The following FST variants were observed in gnomAD, a reference collection of about 807,000 sequenced individuals.
FST encodes follistatin.
A neutral mutation model predicts 38.4 loss-of-function variants in FST; 6 were observed. The ratio of observed to expected loss-of-function variants is 0.16; its 90% CI spans 0.09 to 0.31. The LOEUF is 0.31. Ranked by LOEUF, FST falls within the 10% of genes least tolerant of loss-of-function variation. FST has a pLI of 1.00. For missense variants in FST, 301 were observed against 432.3 expected (o/e 0.70, Z 2.69); for synonymous variants, 157 against 169.8 (o/e 0.92, Z 0.59).
Position 53,485,692 on chromosome 5 carries a change from T to C in FST, c.953-259T>C, listed in dbSNP as rs749262318. The stretch of plus-strand genomic sequence containing the variant: ...CGCTTTTTATCTAATTTCAGGAATC[T>C]GCCCGTAAAACCTGAGCCATTGATT... On this transcript the variant is annotated intron_variant, in intron 5 of 5. Transcript: ENST00000256759. The C allele has an allele frequency of 3.1e-6, 5 of 1,605,018 alleles. No homozygotes were observed. In the East Asian group the frequency reaches 1.1e-4, roughly 36 times the overall value.
rs1561296638 is a variant in FST at position 53,483,307 on chromosome 5, A to C, written c.278-197A>C. 6.6e-6 allele frequency among the ~76,000 whole-genome samples: 1 copy of C among 151,996 alleles called. No homozygotes were observed. The highest frequency in any genetic ancestry group is 1.5e-5 in the Non-Finnish European group (1 of 67,970). On this transcript the variant is annotated intron_variant, in intron 2 of 5. Coordinates refer to ENST00000256759, the MANE Select transcript of FST (RefSeq NM_013409.3). This position sits in a 1 kb window ranked among gnomAD's most constrained non-coding sequence, Gnocchi z 4.1. Reference sequence around the variant, plus strand: ...TGAAACCCACCAACCTGTGCTCCTTAATGAGAGAGATCTGGGTGTGGGGCA... The same window carrying C: ...TGAAACCCACCAACCTGTGCTCCTTCATGAGAGAGATCTGGGTGTGGGGCA...
In FST at chr5:53,486,014, C is replaced by G; in HGVS notation, c.1016C>G (p.Ser339Cys). Residue 339 changes from serine (S) to cysteine (C), a missense_variant, in exon 6 of 6, where the codon TCT (serine) becomes TGT (cysteine). Physicochemically the swap from Ser to Cys is moderately radical, Grantham distance 112 (BLOSUM62 -1). Coordinates refer to ENST00000256759, the MANE Select transcript of FST (RefSeq NM_013409.3). ...DEDQDYSFPISSILEW is the reference protein window; with the variant it reads ...DEDQDYSFPICSILEW Reference sequence around the variant, plus strand: ...GACCAGGACTACAGCTTTCCTATATCTTCTATTCTAGAGTGGTAAACTCTC... The same window carrying G: ...GACCAGGACTACAGCTTTCCTATATGTTCTATTCTAGAGTGGTAAACTCTC... 1 of 1,469,908 alleles carries G rather than the reference C, an allele frequency of 6.8e-7. No individual in the cohort carries two copies. The highest frequency in any genetic ancestry group is 1.2e-5 in the South Asian group (1 of 86,850). 91.1% of individuals were successfully genotyped at this position (1,469,908 alleles called of 1,614,324 possible).
intron 1 of FST, 88 bp from the exon 2 acceptor site, chr5:53,482,792 G>T: frequency 1.8e-6 from 1 of 559,786 alleles, no homozygotes; most frequent in South Asian, 2.5e-5. Flanking sequence ...CATCCCCGCC[G>T]GGTCTCCTTC....
At position 53,483,155 on chromosome 5, in the gene FST, G is replaced by A. The variant is rs191939910; in HGVS notation, c.277+84G>A. 1 of 916,856 alleles carries A rather than the reference G, an allele frequency of 1.1e-6. No homozygotes were observed. The highest frequency in any genetic ancestry group is 2.4e-5 in the East Asian group (1 of 41,580). The allele number at this position is 916,856 out of a possible 1,614,324, so 56.8% of individuals were successfully genotyped here. ...TCCCCACTACCTGACTGGGGTTTGG[G>A]AGTAGGAGAGCTTTGTTCCTGGGCT... is the stretch of plus-strand genomic sequence containing the variant. On this transcript the variant is annotated intron_variant, in intron 2 of 5. Transcript: ENST00000256759. This position sits in a 1 kb window ranked among gnomAD's most constrained non-coding sequence, Gnocchi z 4.1.
rs1173522248 is a variant in FST, at chr5:53,483,406, T to G, written c.278-98T>G. On this transcript the variant is annotated intron_variant, in intron 2 of 5. Coordinates refer to ENST00000256759, the MANE Select transcript of FST (RefSeq NM_013409.3). The surrounding 1 kb of genome is among the most constrained non-coding windows in gnomAD (Gnocchi z 4.1). ...AGCCTGGGGCCCCTCCAGCGCAAAC[T>G]CAGGGCTGCATGATTGCGCAAGGCA... is the stretch of plus-strand genomic sequence containing the variant. The G allele has an allele frequency of 7.6e-6, 7 of 915,890 alleles. No homozygotes were observed. In the South Asian group the frequency reaches 7.8e-5, roughly 10 times the overall value. The allele number at this position is 915,890 out of a possible 1,614,324, so 56.7% of individuals were successfully genotyped here. A position where few individuals can be genotyped will look rare whatever the true frequency, so the allele number is the denominator to read the frequency against.
At chr5:53,482,703 C>T (rs539159888) in intron 1 of FST, 177 bp from the exon 2 acceptor site, 42 of 532,230 alleles carry the variant, frequency 7.9e-5, no homozygotes, top group African/African-American at 7.8e-4. Flanking sequence ...CTTTTTCCAC[C>T]CCTCCACCCC....
chr5:53,480,804 A>T lies in FST; in HGVS notation c.13A>T (p.Arg5Trp). ...GCCTGCCCCCAGGATGGTCCGCGCGAGGCACCAGCCGGGTGGGCTTTGCCT... is the reference window on the plus strand; with the variant it reads ...GCCTGCCCCCAGGATGGTCCGCGCGTGGCACCAGCCGGGTGGGCTTTGCCT... The part of the protein sequence containing the change: MVRA[R>W]HQPGGLCLLL... Residue 5 changes from arginine (R) to tryptophan (W), a missense_variant, in exon 1 of 6, where the codon AGG becomes TGG. By Grantham distance (101) the Arg-to-Trp change is moderately radical. Coordinates refer to ENST00000256759, the MANE Select transcript of FST (RefSeq NM_013409.3). The T allele has an allele frequency of 6.6e-7, 1 of 1,510,176 alleles. No individual in the cohort carries two copies. Among genetic ancestry groups the T allele is most frequent in the Non-Finnish European group, 8.9e-7 (1 of 1,125,602 alleles). The allele number at this position is 1,510,176 out of a possible 1,614,324, so 93.5% of individuals were successfully genotyped here. A position where few individuals can be genotyped will look rare whatever the true frequency, so the allele number is the denominator to read the frequency against.
At chr5:53,481,408 G>A (rs1217402699) in intron 1 of FST, among the ~76,000 whole-genome samples, 3 of 126,886 alleles carry the variant, frequency 2.4e-5, no homozygotes, top group African/African-American at 9.2e-5. Context: ...GATTTTCAAG[G>A]GAAGTAGCTT....
rs1426727713 is a variant in FST at position 53,480,646 on chromosome 5, G to A, written c.-146G>A. 2 of 150,630 alleles carry A rather than the reference G, an allele frequency of 1.3e-5. No homozygotes were observed. Among genetic ancestry groups the A allele is most frequent in the Admixed American group, 1.3e-4 (2 of 15,010 alleles). 9.3% of individuals were successfully genotyped at this position (150,630 alleles called of 1,614,324 possible). On this transcript the variant is annotated 5_prime_UTR_variant, in exon 1 of 6. Coordinates refer to ENST00000256759, the MANE Select transcript of FST (RefSeq NM_013409.3). The stretch of plus-strand genomic sequence containing the variant: ...CTTCTGACGTCCATTGAATCGCGCG[G>A]GCGGCCGGCGGCGAGCGCGGGGCTG...
chr5:53,485,893 C>T (rs1326265940), intron 5 of FST, 58 bp from the exon 6 acceptor site: 3 of 1,602,540 alleles, frequency 1.9e-6, no homozygotes, highest in African/African-American at 2.7e-5. Flanking sequence ...CACTGAGCTG[C>T]TTCTGCGCTG....
intron 5 of FST, 97 bp from the exon 6 acceptor site, chr5:53,485,854 T>G: frequency 6.3e-7 from 1 of 1,596,898 alleles, no homozygotes; most frequent in Non-Finnish European, 8.5e-7. Context: ...CGCTGTAATA[T>G]GGCTGTATCA....
At position 53,482,947 on chromosome 5, in the gene FST, C is replaced by G; in HGVS notation, c.153C>G (p.Ser51Arg). Residue 51 changes from serine (S) to arginine (R), a missense_variant, in exon 2 of 6, where the codon AGC becomes AGG. Transcript: ENST00000256759. ...RCQVLYKTELSKEECCSTGRL... is the reference protein window; with the variant it reads ...RCQVLYKTELRKEECCSTGRL... ...AGGTCCTGTACAAGACCGAACTGAG[C>G]AAGGAGGAGTGCTGCAGCACCGGCC... 1 of 1,613,078 alleles carries G rather than the reference C, an allele frequency of 6.2e-7. No homozygotes were observed. Among genetic ancestry groups the G allele is most frequent in the Non-Finnish European group, 8.5e-7 (1 of 1,179,042 alleles).
At position 53,483,546 on chromosome 5, in the gene FST, G is replaced by A. The variant is rs562793492; in HGVS notation, c.320G>A (p.Arg107Gln). ...GACTGTGGACCTGGGAAAAAATGCC[G>A]AATGAACAAGAAGAACAAACCCCGC... Reference protein sequence around the residue: ...NVDCGPGKKCRMNKKNKPRCV... With the variant: ...NVDCGPGKKCQMNKKNKPRCV... The change falls in exon 3 of 6, where the codon CGA (arginine) becomes CAA (glutamine). Residue 107 changes from arginine (R) to glutamine (Q), a missense_variant. Physicochemically the swap from Arg to Gln is conservative, Grantham distance 43 (BLOSUM62 1). Transcript: ENST00000256759. This position sits in a 1 kb window ranked among gnomAD's most constrained non-coding sequence, Gnocchi z 4.1. The A allele has an allele frequency of 1.2e-6, 2 of 1,614,164 alleles. No individual in the cohort carries two copies. The highest frequency in any genetic ancestry group is 1.7e-6 in the Non-Finnish European group (2 of 1,180,006).
intron 1 of FST, among the ~76,000 whole-genome samples, chr5:53,481,593 A>G (rs1416748661): frequency 6.6e-6 from 1 of 151,998 alleles, no homozygotes; most frequent in Non-Finnish European, 1.5e-5. Context: ...AGCAGCCCAT[A>G]ACTGACTTAA....
In FST at chr5:53,486,018, T is replaced by C; in HGVS notation, c.1020T>C (p.Ser340=). The change falls in exon 6 of 6, where the codon TCT becomes TCC. Residue 340 remains serine (S), a synonymous_variant. Transcript: ENST00000256759. ...AGGACTACAGCTTTCCTATATCTTC[T>C]ATTCTAGAGTGGTAAACTCTCTATA... The part of the protein sequence containing the change: ...EDQDYSFPIS[S]ILEW 6.5e-7 allele frequency: 1 copy of C among 1,538,784 alleles called. No individual in the cohort carries two copies. Among genetic ancestry groups the C allele is most frequent in the Non-Finnish European group, 8.9e-7 (1 of 1,122,782 alleles).
intron 4 of FST, among the ~76,000 whole-genome samples, 177 bp from the exon 5 acceptor site, chr5:53,484,820 T>G (rs575992756): frequency 6.6e-6 from 1 of 152,342 alleles, no homozygotes; most frequent in South Asian, 2.1e-4. Context: ...TGAGTTTCAG[T>G]TTTATTATCC....
chr5:53,483,433 C>T lies in FST; in HGVS notation c.278-71C>T, dbSNP rs1747361593. On this transcript the variant is annotated intron_variant, in intron 2 of 5. Coordinates refer to ENST00000256759, the MANE Select transcript of FST (RefSeq NM_013409.3). The surrounding 1 kb of genome is among the most constrained non-coding windows in gnomAD (Gnocchi z 4.1). ...AGGGCTGCATGATTGCGCAAGGCAC[C>T]CGAAGCCCTCCTGGCTGACCTGCAG... The T allele has an allele frequency of 6.4e-6, 8 of 1,247,218 alleles. No homozygotes were observed. Among genetic ancestry groups the T allele is most frequent in the Non-Finnish European group, 8.1e-6 (7 of 861,590 alleles). The allele number at this position is 1,247,218 out of a possible 1,614,324, so 77.3% of individuals were successfully genotyped here.
chr5:53,482,346 C>T (rs917603664), intron 1 of FST, among the ~76,000 whole-genome samples: 10 of 150,948 alleles, frequency 6.6e-5, no homozygotes, highest in African/African-American at 2.0e-4. Flanking sequence ...TTCTCCCTCT[C>T]TCTCCCCTCC....
At chr5:53,485,272 G>A in intron 5 of FST, 45 bp downstream of exon 5, 3 of 1,038,402 alleles carry the variant, frequency 2.9e-6, no homozygotes, top group Non-Finnish European at 4.5e-6. Context: ...GCTTTCCCAG[G>A]CAATCCCTAG....
Sources: gnomAD v4.1 joint callset for allele counts (sites outside exome capture counted in the v4.1 genomes callset) on GRCh38, gnomAD v4.1.1 for gene constraint, Gnocchi (gnomAD v3.1) non-coding constraint, MANE v1.5 for transcripts, NCBI Gene and HGNC (gene_info 2026-07-23, HGNC 2026-07-21) for gene names.